Variants in ZDHHC11 observed in about 807,000 individuals in gnomAD.
ZDHHC11 encodes zDHHC palmitoyltransferase 11, also known as palmitoyltransferase ZDHHC11.
Under a neutral mutation model 51.3 loss-of-function variants are expected in ZDHHC11, and 44 were observed. That is an observed-to-expected ratio of 0.86 (90% CI 0.67 to 1.10). The LOEUF (loss-of-function observed/expected upper bound fraction) is 1.10. ZDHHC11 is among the 50% of genes least tolerant of loss of function. The probability of loss-of-function intolerance (pLI) is 0.00; values close to 1 mark genes in which losing one functional copy is unlikely to be tolerated. For missense variants in ZDHHC11, 400 were observed against 537.7 expected (o/e 0.74, Z 2.53); for synonymous variants, 163 against 222.0 (o/e 0.73, Z 2.36).
In ZDHHC11 at chr5:846,190, C is replaced by T. The variant is rs1034777380; in HGVS notation, c.503+1324G>A. Among the ~76,000 whole-genome samples, 11 of 150,942 alleles carry T rather than the reference C, an allele frequency of 7.3e-5. 1 individual carries two copies. The highest frequency in any genetic ancestry group is 1.2e-4 in the African/African-American group (5 of 40,750). ...GGTCATGCAACCTCTCTGTCCCTGC[C>T]GGGCTGCTCAGCCTCTCTGGACACA... On this transcript the variant is annotated intron_variant, in intron 3 of 12. Transcript: ENST00000283441.
chr5:824,130 C>T (rs1249667229), intron 8 of ZDHHC11: 1 of 452,304 alleles, frequency 2.2e-6, no homozygotes, highest in East Asian at 7.0e-5. Context: ...CCTGTAACCT[C>T]CAGAAGCTGG....
At chr5:821,670 G>C (rs1228869675) in intron 9 of ZDHHC11, among the ~76,000 whole-genome samples, 191 bp downstream of exon 9, 1 of 151,346 alleles carries the variant, frequency 6.6e-6, no homozygotes, top group Non-Finnish European at 1.5e-5. Flanking sequence ...TTTAAAAGAA[G>C]CCGCAGGCTG....
At chr5:858,097 T>C (rs1579863339) in intron 1 of ZDHHC11, among the ~76,000 whole-genome samples, 3 of 129,808 alleles carry the variant, frequency 2.3e-5, no homozygotes, top group African/African-American at 3.0e-5. Flanking sequence ...ACCAGGCCCC[T>C]AGAGTCTGTC....
chr5:843,156 G>C (rs1333696174), intron 4 of ZDHHC11, among the ~76,000 whole-genome samples: 4 of 152,292 alleles, frequency 2.6e-5, no homozygotes, highest in African/African-American at 9.6e-5. Context: ...ACTTGGCCAA[G>C]GGCCTCAGCG....
chr5:835,283 G>T (rs1743671202), intron 6 of ZDHHC11, among the ~76,000 whole-genome samples: 1 of 151,474 alleles, frequency 6.6e-6, no homozygotes, highest in Non-Finnish European at 1.5e-5. Context: ...ATATCCAATT[G>T]TTCTAGTACC....
chr5:837,172 G>C (rs1369037965), intron 6 of ZDHHC11, among the ~76,000 whole-genome samples, 193 bp downstream of exon 6: 14 of 152,112 alleles, frequency 9.2e-5, no homozygotes, highest in Non-Finnish European at 1.8e-4. Flanking sequence ...CGTGGTGCAT[G>C]ACTGGTGTTT....
chr5:795,633 G>C lies in ZDHHC11; in HGVS notation c.*955C>G, dbSNP rs1449251942. 1 of 152,868 alleles carries C rather than the reference G, an allele frequency of 6.5e-6. No homozygotes were observed. The highest frequency in any genetic ancestry group is 1.5e-5 in the Non-Finnish European group (1 of 67,894). The allele number at this position is 152,868 out of a possible 1,614,324, so 9.5% of individuals were successfully genotyped here. On this transcript the variant is annotated 3_prime_UTR_variant, in exon 13 of 13. Coordinates refer to ENST00000283441, the MANE Select transcript of ZDHHC11 (RefSeq NM_024786.3). ...ACGTAGTAACTTATAGATATATTTGGAAAACTGATTATCTTTTAAAAAATG... is the reference window on the plus strand; with the variant it reads ...ACGTAGTAACTTATAGATATATTTGCAAAACTGATTATCTTTTAAAAAATG...
rs1402556424 is a variant in ZDHHC11, at chr5:806,019, C to T, written c.1182-4855G>A. Among the ~76,000 whole-genome samples the T allele has an allele frequency of 3.3e-5, 5 of 151,178 alleles. 1 individual carries two copies. Among genetic ancestry groups the T allele is most frequent in the African/African-American group, 1.2e-4 (5 of 41,140 alleles). On this transcript the variant is annotated intron_variant, in intron 11 of 12. Coordinates refer to ENST00000283441, the MANE Select transcript of ZDHHC11 (RefSeq NM_024786.3). The stretch of plus-strand genomic sequence containing the variant: ...CCCACAGGAGATAAGAAGGGTCTGA[C>T]GTCAGGACACCAGAGGTGTGGCAGG...
chr5:854,274 G>C (rs1468962797), upstream of ZDHHC11, among the ~76,000 whole-genome samples: 4 of 144,066 alleles, frequency 2.8e-5, no homozygotes, highest in African/African-American at 1.0e-4. Context: ...ACCAAGGACA[G>C]TGAGCCAGGG....
At chr5:806,300 G>A (rs1252049973) in intron 11 of ZDHHC11, among the ~76,000 whole-genome samples, 1 of 151,068 alleles carries the variant, frequency 6.6e-6, no homozygotes, top group East Asian at 1.9e-4. Context: ...CCAGTGGGGA[G>A]AGGGCCTGCT....
At chr5:812,130 G>C (rs1740168648) in intron 11 of ZDHHC11, among the ~76,000 whole-genome samples, 1 of 147,992 alleles carries the variant, frequency 6.8e-6, no homozygotes, top group Non-Finnish European at 1.5e-5. Context: ...AAAATATAAG[G>C]AAAGTCAAAA....
Position 850,748 on chromosome 5 carries a change from T to G in ZDHHC11, c.-146A>C. ...TGGCCCAGCACTGCCTGGGGCCACG[T>G]TCCCCGCAGAGGGAGCAGGGGCTGG... On this transcript the variant is annotated 5_prime_UTR_variant, in exon 1 of 13. Transcript: ENST00000283441. The G allele has an allele frequency of 2.1e-6, 2 of 965,122 alleles. No individual in the cohort carries two copies. Among genetic ancestry groups the G allele is most frequent in the Non-Finnish European group, 3.0e-6 (2 of 658,854 alleles). 59.8% of individuals were successfully genotyped at this position (965,122 alleles called of 1,614,324 possible).
chr5:838,242 C>G (rs1444120490), intron 5 of ZDHHC11, among the ~76,000 whole-genome samples: 1 of 151,958 alleles, frequency 6.6e-6, no homozygotes, highest in African/African-American at 2.4e-5. Flanking sequence ...CCCAGGGAAG[C>G]AAAGCAAAAC....
chr5:856,602 C>T lies in ZDHHC11; in HGVS notation c.-1+2272G>A, dbSNP rs192251273. ...ACACAAACCACACGCACACACCTCA[C>T]GCCACACATATGCAACAGAAGCAAA... On this transcript the variant is annotated intron_variant, in intron 1 of 3. Transcript: ENST00000685990. Among the ~76,000 whole-genome samples, 1,496 of 151,372 alleles carry T rather than the reference C, an allele frequency of 9.9e-3. 18 individuals are homozygous for T. Among genetic ancestry groups the T allele is most frequent in the Middle Eastern group, 0.024 (7 of 294 alleles).
chr5:843,855 G>A (rs1187720621), intron 3 of ZDHHC11, 131 bp from the exon 4 acceptor site: 5 of 616,334 alleles, frequency 8.1e-6, no homozygotes, highest in Non-Finnish European at 1.0e-5. Flanking sequence ...GGGGCACAGC[G>A]GCAGGGGCAT....
chr5:820,689 G>A (rs1412241075), intron 9 of ZDHHC11, among the ~76,000 whole-genome samples: 1 of 151,398 alleles, frequency 6.6e-6, no homozygotes, highest in Admixed American at 6.6e-5. Flanking sequence ...AATGGAAAGT[G>A]TGTAACTAAT....
At chr5:856,697 G>T (rs372670826) in intron 1 of ZDHHC11, among the ~76,000 whole-genome samples, 2 of 147,268 alleles carry the variant, frequency 1.4e-5, no homozygotes, top group African/African-American at 5.1e-5. Context: ...AACCACAAAC[G>T]CATCACTCTC....
chr5:807,455 T>A, intron 11 of ZDHHC11, among the ~76,000 whole-genome samples: 1 of 151,486 alleles, frequency 6.6e-6, no homozygotes. Flanking sequence ...CTTTTGTTGT[T>A]GGTGCTTCCT....
chr5:854,947 G>A (rs767285239), upstream of ZDHHC11, among the ~76,000 whole-genome samples: 1 of 150,214 alleles, frequency 6.7e-6, no homozygotes, highest in Non-Finnish European at 1.5e-5. Context: ...CCCCACCAAG[G>A]ACAGTGAGCC....
Sources: allele counts gnomAD v4.1 joint callset (sites outside exome capture counted in the v4.1 genomes callset), GRCh38; gene constraint gnomAD v4.1.1; transcripts MANE v1.5; gene names NCBI Gene and HGNC (gene_info 2026-07-23, HGNC 2026-07-21).